The following SCAI variants were observed in gnomAD, a reference collection of about 807,000 sequenced individuals.
The protein encoded by SCAI is protein SCAI.
A neutral mutation model predicts 92.2 loss-of-function variants in SCAI; 24 were observed. The observed-to-expected ratio is 0.26, with a 90% confidence interval of 0.19 to 0.37. The LOEUF (loss-of-function observed/expected upper bound fraction) is 0.37, where lower values mean the gene tolerates loss of function less well. SCAI is among the 10% of genes least tolerant of loss of function. The pLI is 1.00. For synonymous variants in SCAI, 261 were observed against 258.6 expected (o/e 1.01, Z -0.09); for missense variants, 450 against 736.2 (o/e 0.61, Z 4.50).
At chr9:125,006,717 C>A (rs1832517536) in intron 9 of SCAI, among the ~76,000 whole-genome samples, 1 of 152,078 alleles carries the variant, frequency 6.6e-6, no homozygotes, top group African/African-American at 2.4e-5. Context: ...GTATTGAACT[C>A]CTGACCTCGT....
chr9:125,011,477 T>C (rs1832638772), intron 9 of SCAI, among the ~76,000 whole-genome samples: 3 of 152,144 alleles, frequency 2.0e-5, no homozygotes, highest in East Asian at 1.9e-4. Context: ...AAGGGAAGTT[T>C]AGAGAAAAAA....
In SCAI at chr9:124,946,979, C is replaced by T. The variant is rs979577129; in HGVS notation, c.*5828G>A. On this transcript the variant is annotated 3_prime_UTR_variant, in exon 18 of 18. Coordinates refer to ENST00000336505, the MANE Select transcript of SCAI (RefSeq NM_001144877.3). The surrounding 1 kb of genome is among the most constrained non-coding windows in gnomAD (Gnocchi z 4.0). ...TGCAAATATACAAATTAACAACCTCCCGTTCCTCACTAAATCCTATCCTAC... is the reference window on the plus strand; with the variant it reads ...TGCAAATATACAAATTAACAACCTCTCGTTCCTCACTAAATCCTATCCTAC... The T allele has an allele frequency of 1.3e-5, 2 of 152,156 alleles. No individual in the cohort carries two copies. Among genetic ancestry groups the T allele is most frequent in the Non-Finnish European group, 2.9e-5 (2 of 68,020 alleles). The allele number at this position is 152,156 out of a possible 1,614,324, so 9.4% of individuals were successfully genotyped here. A position where few individuals can be genotyped will look rare whatever the true frequency, so the allele number is the denominator to read the frequency against.
At chr9:125,088,968 T>C (rs1317392624) in intron 2 of SCAI, among the ~76,000 whole-genome samples, 1 of 152,124 alleles carries the variant, frequency 6.6e-6, no homozygotes, top group Non-Finnish European at 1.5e-5. Context: ...CCCCTACTTG[T>C]TTTGACGGCT....
chr9:125,127,911 G>A (rs577169365), intron 2 of SCAI, among the ~76,000 whole-genome samples: 2 of 152,072 alleles, frequency 1.3e-5, no homozygotes, highest in African/African-American at 4.8e-5. Context: ...GGGAGGCTGA[G>A]ACAGGGGAAT....
At chr9:125,101,798 T>C (rs933987378) in intron 2 of SCAI, among the ~76,000 whole-genome samples, 1 of 152,176 alleles carries the variant, frequency 6.6e-6, no homozygotes, top group Admixed American at 6.5e-5. Context: ...TCTCAGTGTG[T>C]TTGTTAACAG....
At chr9:125,056,770 A>C (rs189655841) in intron 2 of SCAI, among the ~76,000 whole-genome samples, 205 of 152,328 alleles carry the variant, frequency 1.3e-3, no homozygotes, top group Non-Finnish European at 2.7e-3. Context: ...AAGGCCCCAA[A>C]GACTAAAATG....
At chr9:125,117,974 C>A (rs1022201775) in intron 2 of SCAI, among the ~76,000 whole-genome samples, 1 of 152,122 alleles carries the variant, frequency 6.6e-6, no homozygotes, top group Non-Finnish European at 1.5e-5. Flanking sequence ...ATGCCCCCAT[C>A]TTCTAATGAG....
intron 2 of SCAI, among the ~76,000 whole-genome samples, chr9:125,064,106 T>C (rs573697936): frequency 6.6e-6 from 1 of 152,076 alleles, no homozygotes; most frequent in Admixed American, 6.6e-5. Context: ...CCTCAAAATA[T>C]ATAAATAAAA....
chr9:125,019,065 T>C (rs926593611), intron 8 of SCAI, 42 bp downstream of exon 8: 3 of 1,530,566 alleles, frequency 2.0e-6, no homozygotes, highest in Non-Finnish European at 2.7e-6. Flanking sequence ...TACACGGTCA[T>C]TTATTTATCA....
Position 124,950,146 on chromosome 9 carries a change from A to C in SCAI, c.*2661T>G, listed in dbSNP as rs2131564331. 1 of 152,276 alleles carries C rather than the reference A, an allele frequency of 6.6e-6. No individual in the cohort carries two copies. The highest frequency in any genetic ancestry group is 3.4e-3 in the Middle Eastern group (1 of 294). The allele number at this position is 152,276 out of a possible 1,614,324, so 9.4% of individuals were successfully genotyped here. ...AAGTGGGACCCAGATTTTCTTGAAC[A>C]AAATCTAGGTAAATATGACTTACAA... On this transcript the variant is annotated 3_prime_UTR_variant, in exon 18 of 18. Coordinates refer to ENST00000336505, the MANE Select transcript of SCAI (RefSeq NM_001144877.3).
At chr9:125,108,068 G>A (rs1007847401) in intron 2 of SCAI, among the ~76,000 whole-genome samples, 2 of 152,252 alleles carry the variant, frequency 1.3e-5, no homozygotes, top group African/African-American at 4.8e-5. Context: ...TCCTAACCGC[G>A]AGTGATCTGC....
At chr9:125,032,578 A>T (rs1334683465) in intron 3 of SCAI, among the ~76,000 whole-genome samples, 1 of 147,632 alleles carries the variant, frequency 6.8e-6, no homozygotes, top group Non-Finnish European at 1.5e-5. Flanking sequence ...TTGTGAAGAC[A>T]CTCAATGGAA....
chr9:125,059,357 T>G (rs1833729937), intron 2 of SCAI, among the ~76,000 whole-genome samples: 2 of 152,218 alleles, frequency 1.3e-5, no homozygotes, highest in South Asian at 4.1e-4. Flanking sequence ...GATTCTCCCC[T>G]GGATCCTTCT....
rs980480436 is a variant in SCAI at position 125,065,326 on chromosome 9, C to T, written c.99-9319G>A. ...ATTATAAATAACTTAATGCCATCAA[C>T]GTGAACATTTAAGTAAAATAGACAA... On this transcript the variant is annotated intron_variant, in intron 2 of 17. Transcript: ENST00000336505. Among the ~76,000 whole-genome samples the T allele has an allele frequency of 3.3e-5, 5 of 152,226 alleles. No homozygotes were observed. The South Asian group carries it at 6.2e-4, about 19-fold the overall frequency.
intron 14 of SCAI, 115 bp from the exon 15 acceptor site, chr9:124,976,301 G>C: frequency 1.4e-6 from 1 of 692,912 alleles, no homozygotes; most frequent in African/African-American, 1.8e-5. Flanking sequence ...CTCATAAATA[G>C]ATGCAGAAAC....
chr9:125,012,239 A>G (rs1031726377), intron 9 of SCAI, among the ~76,000 whole-genome samples: 2 of 152,230 alleles, frequency 1.3e-5, no homozygotes, highest in African/African-American at 4.8e-5. Context: ...AGACTGGCAA[A>G]CTGGATAAAG....
chr9:125,069,853 C>T (rs890093273), intron 2 of SCAI, among the ~76,000 whole-genome samples: 1 of 151,958 alleles, frequency 6.6e-6, no homozygotes, highest in Non-Finnish European at 1.5e-5. Flanking sequence ...AACTCCTGAC[C>T]TCAGGTGATC....
intron 14 of SCAI, among the ~76,000 whole-genome samples, chr9:124,985,810 G>T (rs1379172659): frequency 6.7e-6 from 1 of 150,066 alleles, no homozygotes; most frequent in Non-Finnish European, 1.5e-5. Flanking sequence ...TTGCAGTGAG[G>T]TGAGATCGCA....
At chr9:125,080,987 T>C (rs1297860267) in intron 2 of SCAI, among the ~76,000 whole-genome samples, 1 of 152,240 alleles carries the variant, frequency 6.6e-6, no homozygotes, top group African/African-American at 2.4e-5. Context: ...CTGTACAAGT[T>C]ATCTCTTTGC....
Sources: allele counts gnomAD v4.1 joint callset (sites outside exome capture counted in the v4.1 genomes callset), GRCh38; gene constraint gnomAD v4.1.1; non-coding constraint Gnocchi (gnomAD v3.1); transcripts MANE v1.5; gene names NCBI Gene and HGNC (gene_info 2026-07-23, HGNC 2026-07-21).